The following ALPK1 variants were observed in gnomAD, a reference collection of about 807,000 sequenced individuals.
ALPK1 encodes the protein alpha kinase 1.
A neutral mutation model predicts 120.6 loss-of-function variants in ALPK1; 110 were observed. The observed-to-expected ratio is 0.91, with a 90% CI of 0.78 to 1.07. The LOEUF (loss-of-function observed/expected upper bound fraction) is 1.07. Among genes scored for constraint, ALPK1 ranks in the 50% least tolerant of loss-of-function variants. The pLI is 0.00. For missense variants in ALPK1, 1,498 were observed against 1,483.9 expected (o/e 1.01, Z -0.16); for synonymous variants, 582 against 560.3 (o/e 1.04, Z -0.55).
At chr4:112,354,805 A>G (rs1730529341) in intron 2 of ALPK1, among the ~76,000 whole-genome samples, 1 of 152,160 alleles carries the variant, frequency 6.6e-6, no homozygotes, top group South Asian at 2.1e-4. Flanking sequence ...TAATTTTTGC[A>G]TCATTTAATT....
At chr4:112,416,875 C>CAAAAAAA (rs56919059) in intron 5 of ALPK1, among the ~76,000 whole-genome samples, 1 of 106,264 alleles carries the variant, frequency 9.4e-6, no homozygotes, top group Non-Finnish European at 1.9e-5. Flanking sequence ...GACCCTGTCT[C>CAAAAAAA]AAAAAAAAAA....
At chr4:112,356,770 C>T in intron 2 of ALPK1, 1 of 755,946 alleles carries the variant, frequency 1.3e-6, no homozygotes, top group Non-Finnish European at 2.4e-6. Context: ...TGTCCCGGAA[C>T]CTGAAGCAGC....
intron 6 of ALPK1, 139 bp downstream of exon 6, chr4:112,424,142 A>T: frequency 1.4e-6 from 1 of 701,892 alleles, no homozygotes; most frequent in Non-Finnish European, 2.3e-6. Context: ...GCCACTGATG[A>T]ATGAAGAAGC....
chr4:112,297,962 CTT>C (rs140241614), intron 1 of ALPK1, among the ~76,000 whole-genome samples: 143 of 152,258 alleles, frequency 9.4e-4, no homozygotes, highest in African/African-American at 3.3e-3. Context: ...AGGCACGAGA[CTT>C]ACTCGTCTCA....
chr4:112,440,070 G>A (rs1213055316), intron 14 of ALPK1, among the ~76,000 whole-genome samples, 198 bp downstream of exon 14: 1 of 152,158 alleles, frequency 6.6e-6, no homozygotes, highest in Non-Finnish European at 1.5e-5. Context: ...AATGTCTACA[G>A]TATCACATAA....
intron 2 of ALPK1, chr4:112,357,501 C>A: frequency 1.3e-6 from 1 of 793,144 alleles, no homozygotes; most frequent in South Asian, 1.6e-5. Context: ...TCAGTCCTGG[C>A]CACAGCATGC....
chr4:112,428,432 A>G (rs938492355), intron 9 of ALPK1, among the ~76,000 whole-genome samples: 1 of 152,166 alleles, frequency 6.6e-6, no homozygotes, highest in Admixed American at 6.5e-5. Flanking sequence ...CTCAATACTA[A>G]TTAGTGTAGC....
intron 2 of ALPK1, among the ~76,000 whole-genome samples, chr4:112,321,151 A>G (rs566198529): frequency 1.3e-5 from 2 of 151,182 alleles, no homozygotes; most frequent in East Asian, 3.9e-4. Context: ...CCCGCCTAGG[A>G]CTCCCAAAGT....
intron 12 of ALPK1, among the ~76,000 whole-genome samples, chr4:112,437,587 C>T (rs1734841764): frequency 6.6e-6 from 1 of 152,172 alleles, no homozygotes; most frequent in South Asian, 2.1e-4. Context: ...AGAAGAACTG[C>T]CTAAAGCACT....
intron 1 of ALPK1, among the ~76,000 whole-genome samples, chr4:112,315,356 A>ATGAC (rs1293905963): frequency 3.9e-5 from 6 of 152,222 alleles, no homozygotes; most frequent in Non-Finnish European, 1.5e-5. Flanking sequence ...ATAAGATGTC[A>ATGAC]ACCCCAGAGG....
At chr4:112,335,872 C>A (rs1729596303) in intron 2 of ALPK1, among the ~76,000 whole-genome samples, 1 of 152,100 alleles carries the variant, frequency 6.6e-6, no homozygotes, top group South Asian at 2.1e-4. Context: ...TCTGATTCAT[C>A]CCTTGCGTTC....
chr4:112,412,107 G>A, intron 5 of ALPK1, 82 bp downstream of exon 5: 2 of 1,546,534 alleles, frequency 1.3e-6, no homozygotes, highest in Non-Finnish European at 1.8e-6. Context: ...ACCTCTGTGG[G>A]ACACCCGGAG....
Position 112,432,300 on chromosome 4 carries a change from T to C in ALPK1, c.2753T>C (p.Leu918Pro), listed in dbSNP as rs1734600923. 1.9e-6 allele frequency: 3 copies of C among 1,614,216 alleles called. No homozygotes were observed. The highest frequency in any genetic ancestry group is 2.2e-5 in the South Asian group (2 of 91,084). The part of the protein sequence containing the change: ...TEEGNQPGNM[L>P]NCSQNSSSSS... Reference sequence around the variant, plus strand: ...GAAGGAAATCAGCCTGGAAACATGCTAAACTGCAGCCAGAACTCCAGCTCA... The same window carrying C: ...GAAGGAAATCAGCCTGGAAACATGCCAAACTGCAGCCAGAACTCCAGCTCA... The change falls in exon 11 of 16, where the codon CTA becomes CCA. Residue 918 changes from leucine (L) to proline (P), a missense_variant. Physicochemically the swap from Leu to Pro is moderately conservative, Grantham distance 98. Transcript: ENST00000650871.
In ALPK1 at chr4:112,431,352, T is replaced by C; in HGVS notation, c.1805T>C (p.Val602Ala). Reference sequence around the variant, plus strand: ...AGCTGGGAGGAAGTGAATTATCACGTTGACGACAGGTCAGCCAGAAAAGAG... The same window carrying C: ...AGCTGGGAGGAAGTGAATTATCACGCTGACGACAGGTCAGCCAGAAAAGAG... ...SASWEEVNYHVDDRSARKEPG... is the reference protein window; with the variant it reads ...SASWEEVNYHADDRSARKEPG... Residue 602 changes from valine (V) to alanine (A), a missense_variant, in exon 11 of 16, where the codon GTT becomes GCT. Physicochemically the swap from Val to Ala is moderately conservative, Grantham distance 64. Coordinates refer to ENST00000650871, the MANE Select transcript of ALPK1 (RefSeq NM_025144.4). 3 of 1,614,236 alleles carry C rather than the reference T, an allele frequency of 1.9e-6. No homozygotes were observed. The highest frequency in any genetic ancestry group is 2.5e-6 in the Non-Finnish European group (3 of 1,180,048).
At chr4:112,337,750 C>T (rs1021979448) in intron 2 of ALPK1, among the ~76,000 whole-genome samples, 4 of 151,732 alleles carry the variant, frequency 2.6e-5, no homozygotes, top group Admixed American at 2.6e-4. Flanking sequence ...CCAAGTGGCT[C>T]AATAAAAAAA....
intron 2 of ALPK1, among the ~76,000 whole-genome samples, chr4:112,336,048 A>C (rs1337014411): frequency 6.6e-6 from 1 of 152,228 alleles, no homozygotes; most frequent in Non-Finnish European, 1.5e-5. Context: ...GCTGGAGTCT[A>C]CCTCTCAAAA....
intron 4 of ALPK1, among the ~76,000 whole-genome samples, chr4:112,399,072 A>C (rs951367886): frequency 2.6e-5 from 4 of 152,208 alleles, no homozygotes; most frequent in Non-Finnish European, 5.9e-5. Context: ...TCCATATACA[A>C]GTATGCATTC....
chr4:112,412,568 G>A (rs1228194889), intron 5 of ALPK1: 2 of 421,006 alleles, frequency 4.8e-6, no homozygotes, highest in African/African-American at 2.1e-5. Flanking sequence ...GAAAAAGGAG[G>A]CTGACATTCT....
At chr4:112,354,067 A>G (rs1036732478) in intron 2 of ALPK1, among the ~76,000 whole-genome samples, 3 of 151,916 alleles carry the variant, frequency 2.0e-5, no homozygotes, top group African/African-American at 7.3e-5. Context: ...TCTTTTTCTC[A>G]TTGATTTACA....
Sources: gnomAD v4.1 joint callset for allele counts (sites outside exome capture counted in the v4.1 genomes callset) on GRCh38, gnomAD v4.1.1 for gene constraint, MANE v1.5 for transcripts, NCBI Gene and HGNC (gene_info 2026-07-23, HGNC 2026-07-21) for gene names.